Variants in CNTN4 observed in about 807,000 individuals in gnomAD.
CNTN4 encodes the protein contactin 4.
CNTN4 carries 77 observed loss-of-function variants against 122.5 expected under a neutral mutation model. The observed-to-expected ratio is 0.63, with a 90% CI of 0.52 to 0.76. The LOEUF is 0.76. Ranked by LOEUF, CNTN4 falls within the 30% of genes least tolerant of loss-of-function variation. The pLI, the probability that CNTN4 is intolerant of heterozygous loss-of-function variation, is 0.00. For synonymous variants in CNTN4, 512 were observed against 447.0 expected, an observed-to-expected ratio of 1.15 and a Z score of -1.83; for missense variants, 1,256 against 1,259.1, an observed-to-expected ratio of 1.00 and a Z score of 0.04.
At chr3:2,507,224 G>A (rs1450647829) in intron 3 of CNTN4, among the ~76,000 whole-genome samples, 2 of 152,048 alleles carry the variant, frequency 1.3e-5, no homozygotes, top group South Asian at 2.1e-4. Flanking sequence ...AACATATTGA[G>A]GTTAACATAT....
intron 13 of CNTN4, among the ~76,000 whole-genome samples, chr3:2,930,470 A>G (rs2094510052): frequency 6.6e-6 from 1 of 152,230 alleles, no homozygotes; most frequent in Non-Finnish European, 1.5e-5. Flanking sequence ...TCACTGAGAC[A>G]AAATATTTTA....
chr3:2,914,654 A>T (rs1021467124), intron 12 of CNTN4, among the ~76,000 whole-genome samples: 1 of 152,222 alleles, frequency 6.6e-6, no homozygotes, highest in Non-Finnish European at 1.5e-5. Context: ...AAACTTCCCA[A>T]TAAAGAAAAT....
intron 2 of CNTN4, among the ~76,000 whole-genome samples, chr3:2,225,133 AGG>A (rs1212577907): frequency 2.7e-5 from 4 of 150,504 alleles, no homozygotes; most frequent in Admixed American, 6.6e-5. Flanking sequence ...CCTGGGCGAC[AGG>A]GCGAGACTCT....
At chr3:2,152,632 T>C (rs1354168110) in intron 2 of CNTN4, among the ~76,000 whole-genome samples, 1 of 151,804 alleles carries the variant, frequency 6.6e-6, no homozygotes, top group Non-Finnish European at 1.5e-5. Context: ...AAATAGAAGA[T>C]TGAGATGGGA....
At chr3:2,221,810 C>T (rs2039071650) in intron 2 of CNTN4, among the ~76,000 whole-genome samples, 1 of 152,036 alleles carries the variant, frequency 6.6e-6, no homozygotes, top group Non-Finnish European at 1.5e-5. Flanking sequence ...AATGATTGGT[C>T]ATCAGGTAAA....
intron 2 of CNTN4, among the ~76,000 whole-genome samples, chr3:2,174,834 A>T (rs1006187411): frequency 6.6e-6 from 1 of 152,176 alleles, no homozygotes. Context: ...GAGCGGGCAC[A>T]TCACATGGCA....
chr3:3,052,313 G>A (rs77998351), intron 23 of CNTN4, among the ~76,000 whole-genome samples: 7,831 of 152,122 alleles, frequency 0.051, 273 homozygotes, highest in East Asian at 0.16. Flanking sequence ...AGCATCCCTG[G>A]TCTCTCTATC....
intron 13 of CNTN4, among the ~76,000 whole-genome samples, chr3:2,949,275 C>A (rs1187985761): frequency 6.6e-6 from 1 of 152,108 alleles, no homozygotes; most frequent in East Asian, 1.9e-4. Flanking sequence ...AGACCTTGCT[C>A]CTGTCATGCC....
chr3:2,455,768 T>C lies in CNTN4; in HGVS notation c.-88-115648T>C, dbSNP rs374598993. 2.0e-5 allele frequency among the ~76,000 whole-genome samples: 3 copies of C among 152,042 alleles called. No individual in the cohort carries two copies. In the East Asian group the frequency reaches 5.8e-4, roughly 29 times the overall value. On this transcript the variant is annotated intron_variant, in intron 3 of 24. Transcript: ENST00000418658. Reference sequence around the variant, plus strand: ...TCTTATTGAGCAGAGATAACATTATTGTGTAGTCCCTGAAAGAGAATTGGA... The same window carrying C: ...TCTTATTGAGCAGAGATAACATTATCGTGTAGTCCCTGAAAGAGAATTGGA...
chr3:2,844,233 G>A (rs978774647), intron 7 of CNTN4, among the ~76,000 whole-genome samples: 4 of 151,980 alleles, frequency 2.6e-5, no homozygotes, highest in African/African-American at 9.7e-5. Flanking sequence ...CTTCTCCATC[G>A]CTTTCACTGC....
In CNTN4 at chr3:2,616,242, G is replaced by A. The variant is rs548446649; in HGVS notation, c.55+44684G>A. Among the ~76,000 whole-genome samples, 12 of 151,794 alleles carry A rather than the reference G, an allele frequency of 7.9e-5. 1 individual carries two copies. Among genetic ancestry groups the A allele is most frequent in the South Asian group, 4.2e-4 (2 of 4,796 alleles). On this transcript the variant is annotated intron_variant, in intron 4 of 24. Transcript: ENST00000418658. ...CTCCCACTTATGAGTGAGAACATGCGGTATTTGGTTTTCTGTTCTTGTGTC... is the reference window on the plus strand; with the variant it reads ...CTCCCACTTATGAGTGAGAACATGCAGTATTTGGTTTTCTGTTCTTGTGTC...
chr3:2,387,478 A>G lies in CNTN4; in HGVS notation c.-89+48245A>G, dbSNP rs548887061. Among the ~76,000 whole-genome samples the G allele has an allele frequency of 5.9e-5, 9 of 152,294 alleles. 1 individual carries two copies. Among genetic ancestry groups the G allele is most frequent in the African/African-American group, 2.2e-4 (9 of 41,576 alleles). Reference sequence around the variant, plus strand: ...TATTTTGTTTTGACTATGATGTTACATAATAATGGCATCCTTCTTCATTTA... The same window carrying G: ...TATTTTGTTTTGACTATGATGTTACGTAATAATGGCATCCTTCTTCATTTA... On this transcript the variant is annotated intron_variant, in intron 3 of 24. Transcript: ENST00000418658.
At chr3:2,515,869 C>T (rs949043650) in intron 3 of CNTN4, among the ~76,000 whole-genome samples, 5 of 151,758 alleles carry the variant, frequency 3.3e-5, no homozygotes, top group African/African-American at 1.2e-4. Context: ...TGGAATGGCA[C>T]AAAAATTTAC....
intron 8 of CNTN4, among the ~76,000 whole-genome samples, chr3:2,875,713 A>AT (rs1403848017): frequency 3.9e-5 from 6 of 152,210 alleles, no homozygotes; most frequent in African/African-American, 1.4e-4. Context: ...AAGACTGTCC[A>AT]TTAAAATACT....
intron 2 of CNTN4, among the ~76,000 whole-genome samples, chr3:2,120,384 T>TATATATATATATATAA (rs2033665666): frequency 6.7e-5 from 2 of 29,882 alleles, no homozygotes; most frequent in East Asian, 1.0e-3. Flanking sequence ...AATATATATA[T>TATATATATATATATAA]ATATATATAT....
intron 4 of CNTN4, among the ~76,000 whole-genome samples, chr3:2,660,547 A>C (rs528891183): frequency 2.0e-5 from 3 of 152,358 alleles, no homozygotes; most frequent in African/African-American, 7.2e-5. Flanking sequence ...ATTAATTGGC[A>C]TATGTCCAGG....
At chr3:2,115,234 A>T (rs2033264455) in intron 2 of CNTN4, among the ~76,000 whole-genome samples, 2 of 152,182 alleles carry the variant, frequency 1.3e-5, no homozygotes, top group African/African-American at 4.8e-5. Flanking sequence ...TGGTTAGTAG[A>T]TGTATGCTTT....
At chr3:2,514,015 G>A (rs962913146) in intron 3 of CNTN4, among the ~76,000 whole-genome samples, 1 of 152,156 alleles carries the variant, frequency 6.6e-6, no homozygotes, top group African/African-American at 2.4e-5. Context: ...CAACATTGTG[G>A]ACAATTTCTG....
At chr3:2,139,745 A>G (rs554580448) in intron 2 of CNTN4, among the ~76,000 whole-genome samples, 106 of 152,244 alleles carry the variant, frequency 7.0e-4, no homozygotes, top group African/African-American at 2.5e-3. Context: ...GGCCTGGGAA[A>G]AACTATGCCA....
Sources: allele counts gnomAD v4.1 joint callset (sites outside exome capture counted in the v4.1 genomes callset), GRCh38; gene constraint gnomAD v4.1.1; transcripts MANE v1.5; gene names NCBI Gene and HGNC (gene_info 2026-07-23, HGNC 2026-07-21).